Variants in TULP4 observed in about 807,000 individuals in gnomAD.
The protein encoded by TULP4 is TUB like protein 4, also known as tubby-related protein 4.
TULP4 carries 16 observed loss-of-function variants against 129.0 expected under a neutral mutation model. That is an observed-to-expected ratio of 0.12 (90% confidence interval 0.08 to 0.19). The LOEUF is 0.19. Among genes scored for constraint, TULP4 ranks in the 10% least tolerant of loss-of-function variants. The pLI, the probability that TULP4 is intolerant of heterozygous loss-of-function variation, is 1.00. For synonymous variants in TULP4, 998 were observed against 854.0 expected, an observed-to-expected ratio of 1.17 and a Z score of -2.94; for missense variants, 1,842 against 2,059.1, an observed-to-expected ratio of 0.89 and a Z score of 2.04.
At position 158,489,470 on chromosome 6, in the gene TULP4, T is replaced by G; in HGVS notation, c.1487-118T>G. On this transcript the variant is annotated intron_variant, in intron 8 of 13. Transcript: ENST00000367097. ...GCCAAGCTTCTTTTTGGTTTCAACC[T>G]CTAGGTCTAAAATGATGGCCTGTGG... 2.3e-6 allele frequency: 3 copies of G among 1,283,014 alleles called. No individual in the cohort carries two copies. The African/African-American group carries it at 4.5e-5, about 19-fold the overall frequency. The allele number at this position is 1,283,014 out of a possible 1,614,324, so 79.5% of individuals were successfully genotyped here. A position where few individuals can be genotyped will look rare whatever the true frequency, so the allele number is the denominator to read the frequency against.
At chr6:158,282,431 A>T (rs529092174) in intron 1 of TULP4, 1 of 152,170 alleles carries the variant, frequency 6.6e-6, no homozygotes, top group South Asian at 2.1e-4. Flanking sequence ...GATGATATAA[A>T]TCATTGCTGA....
intron 1 of TULP4, among the ~76,000 whole-genome samples, chr6:158,303,124 A>G (rs1468257963): frequency 6.6e-6 from 1 of 150,424 alleles, no homozygotes; most frequent in Non-Finnish European, 1.5e-5. Context: ...TAATCCAATA[A>G]GTGGCTTTTT....
intron 1 of TULP4, among the ~76,000 whole-genome samples, chr6:158,273,589 T>C (rs1485280711): frequency 6.6e-6 from 1 of 152,226 alleles, no homozygotes; most frequent in Admixed American, 6.5e-5. Flanking sequence ...CATCTGCTCA[T>C]GGCAACTCCA....
Position 158,313,727 on chromosome 6 carries a change from G to T in TULP4, c.-290G>T. The T allele has an allele frequency of 2.0e-6, 1 of 502,384 alleles. No individual in the cohort carries two copies. Among genetic ancestry groups the T allele is most frequent in the East Asian group, 3.1e-5 (1 of 32,278 alleles). The allele number at this position is 502,384 out of a possible 1,614,324, so 31.1% of individuals were successfully genotyped here. A position where few individuals can be genotyped will look rare whatever the true frequency, so the allele number is the denominator to read the frequency against. On this transcript the variant is annotated 5_prime_UTR_variant, in exon 1 of 14. Coordinates refer to ENST00000367097, the MANE Select transcript of TULP4 (RefSeq NM_020245.5). ...ACGATGCTCTTTCTCCAAAGGATCA[G>T]CACGTTCTTCCTCTGAGAACTTGAA...
chr6:158,421,706 A>C (rs1778346630), intron 2 of TULP4, among the ~76,000 whole-genome samples: 1 of 152,220 alleles, frequency 6.6e-6, no homozygotes, highest in Admixed American at 6.5e-5. Context: ...TTTTCCCCAC[A>C]AAGAACAGCT....
chr6:158,233,648 G>A (rs1289275429), intron 1 of TULP4, among the ~76,000 whole-genome samples: 1 of 152,232 alleles, frequency 6.6e-6, no homozygotes, highest in African/African-American at 2.4e-5. Context: ...GAGAGGCCAT[G>A]GGCACACTCA....
intron 1 of TULP4, among the ~76,000 whole-genome samples, chr6:158,396,800 G>A (rs1257724557): frequency 6.6e-6 from 1 of 152,284 alleles, no homozygotes; most frequent in South Asian, 2.1e-4. Context: ...TCACAAGGAG[G>A]AAAGGTTTAA....
intron 1 of TULP4, among the ~76,000 whole-genome samples, chr6:158,406,457 A>G (rs1269580588): frequency 6.6e-6 from 1 of 152,224 alleles, no homozygotes; most frequent in Non-Finnish European, 1.5e-5. Context: ...AGTGCATGTG[A>G]TTGAACATAC....
At chr6:158,488,561 C>G (rs1440399249) in intron 8 of TULP4, among the ~76,000 whole-genome samples, 1 of 152,164 alleles carries the variant, frequency 6.6e-6, no homozygotes, top group African/African-American at 2.4e-5. Context: ...CCTCCAAATG[C>G]TCAGAAACTT....
chr6:158,260,571 G>A (rs1778333122), intron 1 of TULP4, among the ~76,000 whole-genome samples: 2 of 122,248 alleles, frequency 1.6e-5, no homozygotes, highest in South Asian at 5.5e-4. Context: ...GCGAGACTCT[G>A]TCTCAAAAAA....
At chr6:158,314,294 T>G in intron 1 of TULP4, 26 bp downstream of exon 1, 3 of 1,606,858 alleles carry the variant, frequency 1.9e-6, no homozygotes. Context: ...GTTTCACTTT[T>G]TGGTCACTTC....
In TULP4 at chr6:158,449,004, T is replaced by C; in HGVS notation, c.552T>C (p.Phe184=). Residue 184 remains phenylalanine (F), a synonymous_variant, in exon 4 of 14, where the codon TTT becomes TTC. Transcript: ENST00000367097. ...IWTPDDQQVL[F]GTADGQVIVM... ...CCCATCCTGGATTGCAGGTGCTGTTTGGCACGGCCGATGGGCAGGTGATTG... is the reference window on the plus strand; with the variant it reads ...CCCATCCTGGATTGCAGGTGCTGTTCGGCACGGCCGATGGGCAGGTGATTG... 1 of 1,609,946 alleles carries C rather than the reference T, an allele frequency of 6.2e-7. No homozygotes were observed. The highest frequency in any genetic ancestry group is 8.5e-7 in the Non-Finnish European group (1 of 1,177,238).
At chr6:158,332,899 G>T (rs980514130) in intron 1 of TULP4, among the ~76,000 whole-genome samples, 1 of 152,086 alleles carries the variant, frequency 6.6e-6, no homozygotes, top group Non-Finnish European at 1.5e-5. Flanking sequence ...GTATTGATGG[G>T]TTGGGAGCTG....
At position 158,319,422 on chromosome 6, in the gene TULP4, C is replaced by A. The variant is rs200472090; in HGVS notation, c.252+5154C>A. 2.0e-4 allele frequency among the ~76,000 whole-genome samples: 10 copies of A among 49,614 alleles called. 1 individual carries two copies. The highest frequency in any genetic ancestry group is 5.9e-4 in the African/African-American group (10 of 16,900). The allele number at this position is 49,614 out of a possible 152,430, so 32.5% of individuals were successfully genotyped here. ...ACATTTAACTCATCTCTGCCCTTAC[C>A]TTATCTTCACTCCCTTCTACCACAA... On this transcript the variant is annotated intron_variant, in intron 1 of 13. Coordinates refer to ENST00000367097, the MANE Select transcript of TULP4 (RefSeq NM_020245.5).
intron 1 of TULP4, among the ~76,000 whole-genome samples, chr6:158,265,883 A>C (rs1778436985): frequency 6.6e-6 from 1 of 152,158 alleles, no homozygotes; most frequent in Admixed American, 6.5e-5. Flanking sequence ...TTTCACTCCA[A>C]ATTCAGGATG....
intron 2 of TULP4, among the ~76,000 whole-genome samples, chr6:158,422,443 G>C (rs942390455): frequency 1.3e-5 from 2 of 152,196 alleles, no homozygotes; most frequent in African/African-American, 2.4e-5. Flanking sequence ...CTCACACCGT[G>C]CATAAAAATT....
At chr6:158,292,201 C>T (rs562559072) in intron 1 of TULP4, among the ~76,000 whole-genome samples, 1 of 152,302 alleles carries the variant, frequency 6.6e-6, no homozygotes, top group East Asian at 1.9e-4. Flanking sequence ...CAGGTTCAGC[C>T]TCTGTACCTA....
intron 1 of TULP4, among the ~76,000 whole-genome samples, chr6:158,333,439 A>G (rs905926652): frequency 2.6e-5 from 4 of 152,218 alleles, no homozygotes; most frequent in Non-Finnish European, 5.9e-5. Flanking sequence ...TGGACTTTCT[A>G]GCCTCCAGAA....
chr6:158,243,847 G>GGTGTGTGTGTGTGTGTGT (rs57298904), intron 1 of TULP4, among the ~76,000 whole-genome samples: 3 of 143,510 alleles, frequency 2.1e-5, no homozygotes, highest in East Asian at 4.2e-4. Flanking sequence ...AGCTGAAATA[G>GGTGTGTGTGTGTGTGTGT]GTGTGTGTGT....
Sources: gnomAD v4.1 joint callset for allele counts (sites outside exome capture counted in the v4.1 genomes callset) on GRCh38, gnomAD v4.1.1 for gene constraint, MANE v1.5 for transcripts, NCBI Gene and HGNC (gene_info 2026-07-23, HGNC 2026-07-21) for gene names.